Variants in WDPCP observed in about 807,000 individuals in gnomAD.
WDPCP encodes WD repeat-containing and planar cell polarity effector protein fritz homolog.
A neutral mutation model predicts 93.1 loss-of-function variants in WDPCP; 71 were observed. That is an observed-to-expected ratio of 0.76 (90% confidence interval 0.63 to 0.93). WDPCP has a LOEUF of 0.93. WDPCP is among the 40% of genes least tolerant of loss of function. The pLI is 0.00. For missense variants in WDPCP, 844 were observed against 887.4 expected (o/e 0.95, Z 0.62); for synonymous variants, 315 against 315.0 (o/e 1.00, Z 0.00).
intron 13 of WDPCP, among the ~76,000 whole-genome samples, chr2:63,310,199 C>T (rs1296194778): frequency 6.6e-6 from 1 of 152,074 alleles, no homozygotes; most frequent in Non-Finnish European, 1.5e-5. Context: ...GGGATTTATG[C>T]ATTATCATCA....
intron 1 of WDPCP, among the ~76,000 whole-genome samples, chr2:63,585,647 G>C (rs1420506850): frequency 6.6e-6 from 1 of 151,832 alleles, no homozygotes; most frequent in Non-Finnish European, 1.5e-5. Context: ...TTACATTATA[G>C]TACTCTCTAA....
chr2:63,799,190 A>C (rs749481057), intron 2 of WDPCP, among the ~76,000 whole-genome samples: 18 of 152,194 alleles, frequency 1.2e-4, no homozygotes, highest in Non-Finnish European at 2.2e-4. Flanking sequence ...TATGTTGTTC[A>C]AAGTGAACAG....
chr2:63,176,223 T>G (rs905150872), intron 14 of WDPCP, among the ~76,000 whole-genome samples: 13 of 152,174 alleles, frequency 8.5e-5, no homozygotes, highest in African/African-American at 3.1e-4. Context: ...ATACCTTCAC[T>G]GAAGAAATGT....
chr2:63,618,609 G>C (rs1293662398), intron 3 of WDPCP, among the ~76,000 whole-genome samples: 1 of 151,764 alleles, frequency 6.6e-6, no homozygotes, highest in Non-Finnish European at 1.5e-5. Flanking sequence ...GCATGCCCTT[G>C]GTTCACTTTT....
At chr2:63,279,942 A>G (rs1022809462) in intron 13 of WDPCP, among the ~76,000 whole-genome samples, 4 of 152,210 alleles carry the variant, frequency 2.6e-5, no homozygotes. Context: ...AGACCTCCAC[A>G]AGGAAAACTA....
intron 15 of WDPCP, among the ~76,000 whole-genome samples, chr2:63,158,572 T>C (rs1010366286): frequency 6.6e-6 from 1 of 152,196 alleles, no homozygotes; most frequent in African/African-American, 2.4e-5. Flanking sequence ...ACATATTTAC[T>C]AAGTTTTCCT....
intron 1 of WDPCP, among the ~76,000 whole-genome samples, chr2:63,826,902 A>T (rs1294385839): frequency 6.6e-6 from 1 of 152,144 alleles, no homozygotes; most frequent in African/African-American, 2.4e-5. Context: ...GCTAAAATTA[A>T]TTTTGAGAAC....
intron 12 of WDPCP, among the ~76,000 whole-genome samples, chr2:63,333,302 C>T (rs1293966764): frequency 6.6e-6 from 1 of 152,152 alleles, no homozygotes; most frequent in East Asian, 1.9e-4. Context: ...TGTTTTACCC[C>T]AAAATATATT....
At chr2:63,236,938 A>G (rs1049247023) in intron 14 of WDPCP, among the ~76,000 whole-genome samples, 1 of 151,828 alleles carries the variant, frequency 6.6e-6, no homozygotes, top group African/African-American at 2.4e-5. Context: ...ATGACTTGAT[A>G]GACATCCTCA....
chr2:63,727,405 C>T (rs565442777), intron 2 of WDPCP, among the ~76,000 whole-genome samples: 1 of 152,148 alleles, frequency 6.6e-6, no homozygotes. Flanking sequence ...CCTACTTGAT[C>T]GTATTGGATT....
At chr2:63,375,164 A>G (rs1413151203) in intron 12 of WDPCP, among the ~76,000 whole-genome samples, 1 of 152,046 alleles carries the variant, frequency 6.6e-6, no homozygotes, top group East Asian at 1.9e-4. Flanking sequence ...TTCATTTGAA[A>G]TGTTTGCCCT....
At chr2:63,800,562 T>C (rs940541872) in intron 2 of WDPCP, among the ~76,000 whole-genome samples, 7 of 152,164 alleles carry the variant, frequency 4.6e-5, no homozygotes, top group African/African-American at 1.7e-4. Flanking sequence ...TTACTGCCCA[T>C]AGCAGATATG....
intron 13 of WDPCP, among the ~76,000 whole-genome samples, chr2:63,310,035 G>A (rs928775741): frequency 4.6e-5 from 7 of 152,064 alleles, no homozygotes; most frequent in African/African-American, 1.4e-4. Flanking sequence ...TTGTTAATCT[G>A]ACAAATGTAT....
chr2:63,752,096 C>T, intron 2 of WDPCP: 1 of 602,828 alleles, frequency 1.7e-6, no homozygotes, highest in Admixed American at 2.2e-5. Flanking sequence ...TTTGGCAGGG[C>T]TTTCCTAACT....
At chr2:63,256,665 G>A (rs553615650) in intron 14 of WDPCP, among the ~76,000 whole-genome samples, 2 of 152,220 alleles carry the variant, frequency 1.3e-5, no homozygotes, top group South Asian at 4.2e-4. Flanking sequence ...ATTCGCATTA[G>A]CCCCAAACTT....
intron 2 of WDPCP, among the ~76,000 whole-genome samples, chr2:63,665,087 T>C (rs1710267567): frequency 6.6e-6 from 1 of 152,248 alleles, no homozygotes; most frequent in Non-Finnish European, 1.5e-5. Context: ...GTGCTCTCTC[T>C]ATCAGAAGCC....
chr2:63,250,945 T>C (rs1038779340), intron 14 of WDPCP, among the ~76,000 whole-genome samples: 1 of 152,180 alleles, frequency 6.6e-6, no homozygotes, highest in Admixed American at 6.5e-5. Context: ...ATTTCCACTG[T>C]AACCTCATTT....
intron 17 of WDPCP, among the ~76,000 whole-genome samples, chr2:63,136,242 A>G (rs898853826): frequency 6.6e-6 from 1 of 152,130 alleles, no homozygotes; most frequent in African/African-American, 2.4e-5. Flanking sequence ...TTATAATCTC[A>G]TGAAGCCTAG....
At position 63,154,613 on chromosome 2, in the gene WDPCP, A is replaced by G. The variant is rs577112901; in HGVS notation, c.2079-1039T>C. Among the ~76,000 whole-genome samples the G allele has an allele frequency of 1.2e-4, 18 of 152,276 alleles. No homozygotes were observed. The South Asian group carries it at 3.5e-3, about 30-fold the overall frequency. On this transcript the variant is annotated intron_variant, in intron 15 of 17. Transcript: ENST00000272321. ...AAAACTGCTACAAGCATTCATGTAC[A>G]GTTTCTTGTGTGAACCTGTTTTTAC...
Sources: allele counts gnomAD v4.1 joint callset (sites outside exome capture counted in the v4.1 genomes callset), GRCh38; gene constraint gnomAD v4.1.1; transcripts MANE v1.5; gene names NCBI Gene and HGNC (gene_info 2026-07-23, HGNC 2026-07-21).